The following VRK3 variants were observed in gnomAD, a reference collection of about 807,000 sequenced individuals.
VRK3 encodes the protein serine/threonine-protein kinase VRK3.
A neutral mutation model predicts 60.4 loss-of-function variants in VRK3; 50 were observed. The observed-to-expected ratio is 0.83, with a 90% CI of 0.66 to 1.05. The LOEUF (loss-of-function observed/expected upper bound fraction) is 1.05. Ranked by LOEUF, VRK3 falls within the 50% of genes least tolerant of loss-of-function variation. The pLI is 0.00. For missense variants in VRK3, 549 were observed against 585.3 expected (o/e 0.94, Z 0.64); for synonymous variants, 246 against 227.8 (o/e 1.08, Z -0.72).
chr19:50,007,138 C>A (rs189684889), intron 5 of VRK3, among the ~76,000 whole-genome samples: 4 of 152,340 alleles, frequency 2.6e-5, no homozygotes, highest in Admixed American at 2.6e-4. Flanking sequence ...AAACCTCTCA[C>A]ATCCTCTTGG....
chr19:49,997,692 G>A, intron 6 of VRK3, 122 bp from the exon 7 acceptor site: 1 of 1,049,506 alleles, frequency 9.5e-7, no homozygotes, highest in Non-Finnish European at 1.4e-6. Context: ...CCCCACATCG[G>A]AGCCAAATTC....
chr19:50,009,509 T>C, intron 3 of VRK3, 124 bp from the exon 4 acceptor site: 1 of 1,114,390 alleles, frequency 9.0e-7, no homozygotes, highest in Non-Finnish European at 1.3e-6. Flanking sequence ...CACCAATTCT[T>C]GCTTCTTCTA....
chr19:49,979,131 GAC>G lies in VRK3; in HGVS notation c.1386_1387del (p.Pro464IlefsTer2), dbSNP rs908050449. The G allele has an allele frequency of 2.5e-6, 4 of 1,613,870 alleles. No individual in the cohort carries two copies. In the Admixed American group the frequency reaches 5.0e-5, roughly 20 times the overall value. Reference sequence around the variant, plus strand: ...CGGGAGGCCAATGGGGTCATATGGAGACACACGCAGATCCTGCAGCAAAGCTT... The same window carrying G: ...CGGGAGGCCAATGGGGTCATATGGAGACACGCAGATCCTGCAGCAAAGCTT... On this transcript the variant is annotated frameshift_variant, in exon 14 of 15. Transcript: ENST00000316763. LOFTEE classifies it high-confidence loss of function.
At chr19:50,015,874 G>C in intron 3 of VRK3, 150 bp downstream of exon 3, 1 of 984,494 alleles carries the variant, frequency 1.0e-6, no homozygotes, top group South Asian at 1.6e-5. Flanking sequence ...AGAGACTGAT[G>C]GTAGACAGAG....
At chr19:49,982,259 A>T (rs2076436858) in intron 12 of VRK3, 13 of 701,430 alleles carry the variant, frequency 1.9e-5, no homozygotes, top group Non-Finnish European at 3.1e-5. Flanking sequence ...CAAAGCTGAT[A>T]AAACACACGA....
intron 5 of VRK3, among the ~76,000 whole-genome samples, chr19:50,004,034 A>G (rs568422029): frequency 6.6e-6 from 1 of 152,314 alleles, no homozygotes; most frequent in Admixed American, 6.5e-5. Flanking sequence ...GATCGTCTCT[A>G]CTTTAAAAAA....
At chr19:49,988,249 G>C (rs1489913247) in intron 12 of VRK3, 123 bp downstream of exon 12, 1 of 1,439,156 alleles carries the variant, frequency 6.9e-7, no homozygotes. Flanking sequence ...CGGCTCAGAG[G>C]ACTTGGGCTC....
rs1391011162 is a variant in VRK3 at position 49,995,240 on chromosome 19, G to A, written c.715C>T (p.Leu239=). 2 of 1,614,238 alleles carry A rather than the reference G, an allele frequency of 1.2e-6. No homozygotes were observed. Among genetic ancestry groups the A allele is most frequent in the East Asian group, 2.2e-5 (1 of 44,880 alleles). The change falls in exon 8 of 15, where the codon CTG becomes TTG. Residue 239 remains leucine, a synonymous_variant. Coordinates refer to ENST00000316763, the MANE Select transcript of VRK3 (RefSeq NM_016440.4). ...AAACCCATGCAGGTAGGGATGGCCAGCAGTGGGGTCGAGTACAGCTTCTTC... is the reference window on the plus strand; with the variant it reads ...AAACCCATGCAGGTAGGGATGGCCAACAGTGGGGTCGAGTACAGCTTCTTC... ...KWKKLYSTPL[L]AIPTCMGFGV...
At chr19:49,990,016 T>C (rs1171103711) in intron 10 of VRK3, among the ~76,000 whole-genome samples, 1 of 150,936 alleles carries the variant, frequency 6.6e-6, no homozygotes, top group Non-Finnish European at 1.5e-5. Context: ...TTCGTATGCA[T>C]CATTCCAAAA....
In VRK3 at chr19:49,995,420, G is replaced by A. The variant is rs1468036710; in HGVS notation, c.680-145C>T. The A allele has an allele frequency of 5.9e-6, 4 of 680,876 alleles. No individual in the cohort carries two copies. In the East Asian group the frequency reaches 8.2e-5, roughly 14 times the overall value. The allele number at this position is 680,876 out of a possible 1,614,324, so 42.2% of individuals were successfully genotyped here. A position where few individuals can be genotyped will look rare whatever the true frequency, so the allele number is the denominator to read the frequency against. Reference sequence around the variant, plus strand: ...GGTGACAACATTGTGGGTGGGTGATGGTGGGAAGGGGCTGGTGACAGGGCA... The same window carrying A: ...GGTGACAACATTGTGGGTGGGTGATAGTGGGAAGGGGCTGGTGACAGGGCA... On this transcript the variant is annotated intron_variant, in intron 7 of 14. Coordinates refer to ENST00000316763, the MANE Select transcript of VRK3 (RefSeq NM_016440.4).
At chr19:49,980,250 C>T (rs1372002956) in intron 13 of VRK3, among the ~76,000 whole-genome samples, 1 of 151,886 alleles carries the variant, frequency 6.6e-6, no homozygotes, top group Non-Finnish European at 1.5e-5. Flanking sequence ...GTGCAAATAC[C>T]CAGTAACAGG....
chr19:50,019,164 C>CT (rs1481622086), intron 2 of VRK3: 2 of 90,512 alleles, frequency 2.2e-5, no homozygotes, highest in South Asian at 3.6e-4. Context: ...GACTCCGTCT[C>CT]TAAAAAAAAA....
At position 49,995,246 on chromosome 19, in the gene VRK3, G is replaced by A. The variant is rs1568788632; in HGVS notation, c.709C>T (p.Pro237Ser). The change falls in exon 8 of 15, where the codon CCA becomes TCA. Residue 237 changes from proline (P) to serine (S), a missense_variant. Transcript: ENST00000316763. ...VNKWKKLYSTPLLAIPTCMGF... is the reference protein window; with the variant it reads ...VNKWKKLYSTSLLAIPTCMGF... ...ATGCAGGTAGGGATGGCCAGCAGTG[G>A]GGTCGAGTACAGCTTCTTCCACTTG... 6.2e-7 allele frequency: 1 copy of A among 1,614,072 alleles called. No homozygotes were observed. Among genetic ancestry groups the A allele is most frequent in the East Asian group, 2.2e-5 (1 of 44,886 alleles).
chr19:50,015,420 T>TGCCTCAGACTCCCAA (rs2077059975), intron 3 of VRK3, among the ~76,000 whole-genome samples: 1 of 152,116 alleles, frequency 6.6e-6, no homozygotes, highest in East Asian at 1.9e-4. Flanking sequence ...GCAATTCTCC[T>TGCCTCAGACTCCCAA]GCCTCAGACT....
In VRK3 at chr19:50,025,340, A is replaced by G. The variant is rs113057228; in HGVS notation, c.-138T>C. The G allele has an allele frequency of 6.6e-6, 1 of 152,082 alleles. No individual in the cohort carries two copies. The highest frequency in any genetic ancestry group is 1.9e-4 in the East Asian group (1 of 5,172). 9.4% of individuals were successfully genotyped at this position (152,082 alleles called of 1,614,324 possible). A position where few individuals can be genotyped will look rare whatever the true frequency, so the allele number is the denominator to read the frequency against. Reference sequence around the variant, plus strand: ...CCTCGGATCCTCCGCAGTTACCCGGACTCACCTTCTCAGTTGCCCAGCGAA... The same window carrying G: ...CCTCGGATCCTCCGCAGTTACCCGGGCTCACCTTCTCAGTTGCCCAGCGAA... On this transcript the variant is annotated 5_prime_UTR_variant, in exon 1 of 15. Coordinates refer to ENST00000316763, the MANE Select transcript of VRK3 (RefSeq NM_016440.4).
At chr19:49,979,663 TAA>T (rs1027812318) in intron 13 of VRK3, among the ~76,000 whole-genome samples, 5 of 152,152 alleles carry the variant, frequency 3.3e-5, no homozygotes, top group Non-Finnish European at 7.3e-5. Flanking sequence ...CTGACCAGCT[TAA>T]AATCCTCGAG....
intron 14 of VRK3, among the ~76,000 whole-genome samples, chr19:49,977,567 A>G (rs1163056657): frequency 6.6e-6 from 1 of 152,088 alleles, no homozygotes; most frequent in East Asian, 1.9e-4. Flanking sequence ...CCATGCCAGA[A>G]AAGCAGAGAT....
chr19:49,992,989 T>C (rs1468776310), intron 9 of VRK3, 37 bp from the exon 10 acceptor site: 7 of 1,581,892 alleles, frequency 4.4e-6, no homozygotes, highest in Non-Finnish European at 6.0e-6. Context: ...GCATGAGCAG[T>C]ACGACTAACA....
At chr19:49,980,898 C>G (rs4802645) in intron 13 of VRK3, 57 bp downstream of exon 13, 114,577 of 1,535,070 alleles carry the variant, frequency 0.075, 4,792 homozygotes, top group Non-Finnish European at 0.083. Context: ...CAAGATGGAT[C>G]TGAGCCACCA....
Sources: allele counts gnomAD v4.1 joint callset (sites outside exome capture counted in the v4.1 genomes callset), GRCh38; gene constraint gnomAD v4.1.1; transcripts MANE v1.5; gene names NCBI Gene and HGNC (gene_info 2026-07-23, HGNC 2026-07-21).